CUX2: variants seen among roughly 807,000 people sequenced by gnomAD.
CUX2 encodes the protein cut like homeobox 2, also known as homeobox protein cut-like 2.
Under a neutral mutation model 144.8 loss-of-function variants are expected in CUX2, and 40 were observed. That is an observed-to-expected ratio of 0.28 (90% CI 0.21 to 0.36). The LOEUF is 0.36. CUX2 is among the 10% of genes least tolerant of loss of function. The pLI, the probability that CUX2 is intolerant of heterozygous loss-of-function variation, is 1.00. For missense variants in CUX2, 1,615 were observed against 1,994.0 expected (o/e 0.81, Z 3.62); for synonymous variants, 827 against 875.6 (o/e 0.94, Z 0.98).
intron 1 of CUX2, among the ~76,000 whole-genome samples, chr12:111,036,951 A>G (rs1240590570): frequency 8.0e-6 from 1 of 124,960 alleles, no homozygotes; most frequent in Non-Finnish European, 1.6e-5. Flanking sequence ...TTGGAAGTGG[A>G]TTAGGAGCCT....
At chr12:111,288,099 G>A (rs1294161508) in intron 4 of CUX2, among the ~76,000 whole-genome samples, 1 of 152,160 alleles carries the variant, frequency 6.6e-6, no homozygotes, top group African/African-American at 2.4e-5. Context: ...CAGGTTAGTC[G>A]AGGAGGGCTT....
intron 1 of CUX2, among the ~76,000 whole-genome samples, chr12:111,086,227 A>G (rs1343562261): frequency 6.6e-6 from 1 of 152,192 alleles, no homozygotes; most frequent in East Asian, 1.9e-4. Context: ...CTATTATATC[A>G]TGGTAGTATC....
At chr12:111,049,978 A>G (rs1592849271) in intron 1 of CUX2, among the ~76,000 whole-genome samples, 1 of 152,094 alleles carries the variant, frequency 6.6e-6, no homozygotes, top group Non-Finnish European at 1.5e-5. Flanking sequence ...CCACCCACCT[A>G]TGCTGTTGGA....
chr12:111,301,508 C>T (rs1445171380), intron 9 of CUX2, among the ~76,000 whole-genome samples: 1 of 151,360 alleles, frequency 6.6e-6, no homozygotes, highest in Non-Finnish European at 1.5e-5. Context: ...GGAGGTAAGA[C>T]TAGTAGCTTT....
intron 14 of CUX2, among the ~76,000 whole-genome samples, chr12:111,309,784 CCTCT>C (rs369693733): frequency 3.4e-5 from 5 of 147,240 alleles, no homozygotes; most frequent in South Asian, 4.3e-4. Flanking sequence ...TCTTGCTCTC[CCTCT>C]CTCTCTCTCT....
intron 3 of CUX2, among the ~76,000 whole-genome samples, chr12:111,249,476 A>T: frequency 9.1e-6 from 1 of 110,474 alleles, no homozygotes; most frequent in Non-Finnish European, 1.7e-5. Flanking sequence ...GTGGGGTTGG[A>T]GACAGAGTCT....
intron 1 of CUX2, among the ~76,000 whole-genome samples, chr12:111,129,809 C>T (rs1025910757): frequency 2.0e-5 from 3 of 152,226 alleles, no homozygotes; most frequent in African/African-American, 7.2e-5. Flanking sequence ...ACAGGTCAGG[C>T]ATCCAGTGTG....
chr12:111,106,113 C>T (rs953527970), intron 1 of CUX2, among the ~76,000 whole-genome samples: 1 of 151,526 alleles, frequency 6.6e-6, no homozygotes, highest in Non-Finnish European at 1.5e-5. Context: ...GATCCCCCCA[C>T]CTCAGCCTCT....
At chr12:111,323,260 G>A (rs1187150884) in intron 18 of CUX2, among the ~76,000 whole-genome samples, 2 of 152,234 alleles carry the variant, frequency 1.3e-5, no homozygotes, top group Non-Finnish European at 2.9e-5. Flanking sequence ...GGGGAGGCCA[G>A]ACCCTGAGTC....
At chr12:111,332,559 C>G (rs1463107730) in intron 18 of CUX2, among the ~76,000 whole-genome samples, 3 of 152,162 alleles carry the variant, frequency 2.0e-5, no homozygotes, top group African/African-American at 7.2e-5. Context: ...TGTGGTTGAA[C>G]TTGTAGATCA....
At chr12:111,146,235 G>A (rs1412641828) in intron 1 of CUX2, among the ~76,000 whole-genome samples, 2 of 152,186 alleles carry the variant, frequency 1.3e-5, no homozygotes, top group African/African-American at 4.8e-5. Flanking sequence ...ACTGTTGGTG[G>A]TGTACATGCT....
At chr12:111,047,159 C>G (rs867845671) in intron 1 of CUX2, among the ~76,000 whole-genome samples, 5 of 152,194 alleles carry the variant, frequency 3.3e-5, no homozygotes, top group South Asian at 2.1e-4. Flanking sequence ...AGCCGCGTGG[C>G]GCGCCCTGTC....
rs57399244 is a variant in CUX2 at position 111,167,702 on chromosome 12, G to GTTTGTTTT, written c.64-46495_64-46494insGTTTTTTT. Among the ~76,000 whole-genome samples the GTTTGTTTT allele has an allele frequency of 6.6e-3, 938 of 142,422 alleles. 141 individuals carry two copies. Among genetic ancestry groups the GTTTGTTTT allele is most frequent in the East Asian group, 0.029 (134 of 4,578 alleles). 93.4% of individuals were successfully genotyped at this position (142,422 alleles called of 152,430 possible). On this transcript the variant is annotated intron_variant, in intron 1 of 21. Transcript: ENST00000261726. ...TGTTTGTTTGTTTGTTTGTTTGTTTGTTTCTTTTTTGAGATGGAGTCTTGC... is the reference window on the plus strand; with the variant it reads ...TGTTTGTTTGTTTGTTTGTTTGTTTGTTTGTTTTTTTCTTTTTTGAGATGGAGTCTTGC...
At chr12:111,184,584 A>AAC (rs1402794615) in intron 1 of CUX2, among the ~76,000 whole-genome samples, 1 of 150,870 alleles carries the variant, frequency 6.6e-6, no homozygotes, top group Non-Finnish European at 1.5e-5. Flanking sequence ...AAAAAAAAAA[A>AAC]AAAAAAAAAA....
intron 9 of CUX2, among the ~76,000 whole-genome samples, chr12:111,303,242 A>G (rs1764847601): frequency 6.8e-6 from 1 of 148,072 alleles, no homozygotes; most frequent in African/African-American, 2.4e-5. Context: ...AAAAAAAAAA[A>G]AAAAATCGAC....
chr12:111,119,036 G>A (rs1874468377), intron 1 of CUX2, among the ~76,000 whole-genome samples: 1 of 152,174 alleles, frequency 6.6e-6, no homozygotes, highest in Non-Finnish European at 1.5e-5. Flanking sequence ...TTGCAAAATG[G>A]GTGATTTAAT....
rs114093042 is a variant in CUX2 at position 111,087,010 on chromosome 12, T to C, written c.63+52770T>C. ...GTCAAGTGACATACTTTTTATAGCC[T>C]ATGAAATAGGAATGGACATAGTAAG... On this transcript the variant is annotated intron_variant, in intron 1 of 21. Coordinates refer to ENST00000261726, the MANE Select transcript of CUX2 (RefSeq NM_015267.4). 5.4e-3 allele frequency among the ~76,000 whole-genome samples: 829 copies of C among 152,244 alleles called. 12 individuals are homozygous for C. The highest frequency in any genetic ancestry group is 0.019 in the African/African-American group (782 of 41,558).
At chr12:111,121,352 GTTTTC>G (rs199533663) in intron 1 of CUX2, among the ~76,000 whole-genome samples, 4 of 110,786 alleles carry the variant, frequency 3.6e-5, no homozygotes, top group South Asian at 3.2e-4. Flanking sequence ...CTTTCTTTTT[GTTTTC>G]TTTTCTTTTT....
At chr12:111,279,305 T>A (rs1565888431) in intron 4 of CUX2, among the ~76,000 whole-genome samples, 2 of 152,210 alleles carry the variant, frequency 1.3e-5, no homozygotes, top group Admixed American at 1.3e-4. Context: ...CTATGAGACT[T>A]GGAGCCTTGG....
Sources: allele counts gnomAD v4.1 joint callset (sites outside exome capture counted in the v4.1 genomes callset), GRCh38; gene constraint gnomAD v4.1.1; transcripts MANE v1.5; gene names NCBI Gene and HGNC (gene_info 2026-07-23, HGNC 2026-07-21).